GRM7: variants seen among roughly 807,000 people sequenced by gnomAD.
GRM7 encodes the protein metabotropic glutamate receptor 7.
In GRM7, 35 loss-of-function variants were observed where a neutral mutation model predicts 84.5. The observed-to-expected ratio is 0.41, with a 90% CI of 0.32 to 0.55. The LOEUF (loss-of-function observed/expected upper bound fraction) is 0.55. Ranked by LOEUF, GRM7 falls within the 20% of genes least tolerant of loss-of-function variation. The pLI, the probability that GRM7 is intolerant of heterozygous loss-of-function variation, is 0.19. For synonymous variants in GRM7, 487 were observed against 455.1 expected (o/e 1.07, Z -0.89); for missense variants, 1,003 against 1,194.6 (o/e 0.84, Z 2.36).
chr3:7,507,370 T>C lies in GRM7; in HGVS notation c.1515+45648T>C, dbSNP rs1700069883. ...GGAAACTTCTGGAATTGTTTCCACATAGAGAAGTGTAAACAGATGGGAGTC... is the reference window on the plus strand; with the variant it reads ...GGAAACTTCTGGAATTGTTTCCACACAGAGAAGTGTAAACAGATGGGAGTC... On this transcript the variant is annotated intron_variant, in intron 7 of 9. Transcript: ENST00000357716. 3.3e-5 allele frequency among the ~76,000 whole-genome samples: 5 copies of C among 152,182 alleles called. No homozygotes were observed. The South Asian group carries it at 1.0e-3, about 32-fold the overall frequency.
At chr3:7,686,057 A>T (rs889425473) in intron 9 of GRM7, among the ~76,000 whole-genome samples, 1 of 152,182 alleles carries the variant, frequency 6.6e-6, no homozygotes, top group Non-Finnish European at 1.5e-5. Context: ...TGGCAAGAAG[A>T]AGAAAATAAT....
At chr3:7,707,504 G>A (rs979934304) in intron 9 of GRM7, among the ~76,000 whole-genome samples, 1 of 152,150 alleles carries the variant, frequency 6.6e-6, no homozygotes, top group East Asian at 1.9e-4. Flanking sequence ...GCCGCCACTT[G>A]AATAATGCTT....
chr3:6,874,840 T>TTAC (rs1204886806), intron 1 of GRM7, among the ~76,000 whole-genome samples: 2 of 152,206 alleles, frequency 1.3e-5, no homozygotes, highest in African/African-American at 4.8e-5. Flanking sequence ...CAAGGAAAAC[T>TTAC]TACTCCTTTC....
At chr3:7,446,763 A>AT (rs914612373) in intron 5 of GRM7, among the ~76,000 whole-genome samples, 2 of 151,282 alleles carry the variant, frequency 1.3e-5, no homozygotes, top group African/African-American at 2.4e-5. Flanking sequence ...CCCGGCCAGG[A>AT]TTTTTTTTTA....
intron 2 of GRM7, among the ~76,000 whole-genome samples, chr3:7,220,378 A>G (rs1322220384): frequency 1.3e-5 from 2 of 152,228 alleles, no homozygotes; most frequent in Non-Finnish European, 1.5e-5. Flanking sequence ...TTCTGTGTCT[A>G]TTCTCCTCAA....
chr3:7,441,953 C>T (rs1697306320), intron 5 of GRM7, among the ~76,000 whole-genome samples: 1 of 149,616 alleles, frequency 6.7e-6, no homozygotes, highest in Non-Finnish European at 1.5e-5. Flanking sequence ...ATTGCTTTGG[C>T]TATTTGGGTT....
Position 7,740,610 on chromosome 3 carries a change from C to A in GRM7, c.*204C>A. The A allele has an allele frequency of 2.3e-6, 1 of 430,212 alleles. No individual in the cohort carries two copies. The highest frequency in any genetic ancestry group is 4.1e-6 in the Non-Finnish European group (1 of 244,118). The allele number at this position is 430,212 out of a possible 1,614,324, so 26.6% of individuals were successfully genotyped here. A position where few individuals can be genotyped will look rare whatever the true frequency, so the allele number is the denominator to read the frequency against. ...TTATCTGGGCTTAATAAGTCACTGACATCAGCACTGCCAACTCGGCTGCAA... is the reference window on the plus strand; with the variant it reads ...TTATCTGGGCTTAATAAGTCACTGAAATCAGCACTGCCAACTCGGCTGCAA... On this transcript the variant is annotated 3_prime_UTR_variant, in exon 10 of 10. Transcript: ENST00000357716.
intron 2 of GRM7, among the ~76,000 whole-genome samples, chr3:7,229,722 C>CATATATATAT (rs772166647): frequency 1.4e-3 from 36 of 25,766 alleles, no homozygotes; most frequent in Non-Finnish European, 2.0e-3. Context: ...TCCATAGACA[C>CATATATATAT]ACACATATAT....
At chr3:7,217,051 G>A (rs1696638090) in intron 2 of GRM7, among the ~76,000 whole-genome samples, 1 of 152,110 alleles carries the variant, frequency 6.6e-6, no homozygotes, top group African/African-American at 2.4e-5. Context: ...TACCTTGAAG[G>A]TAGTTTGCCT....
At chr3:6,901,160 A>G (rs1340414773) in intron 1 of GRM7, among the ~76,000 whole-genome samples, 2 of 152,210 alleles carry the variant, frequency 1.3e-5, no homozygotes, top group African/African-American at 4.8e-5. Context: ...AGAGTTAATG[A>G]CAGATGCCAA....
intron 4 of GRM7, among the ~76,000 whole-genome samples, chr3:7,332,889 C>G (rs1014697128): frequency 4.6e-5 from 7 of 152,072 alleles, no homozygotes; most frequent in African/African-American, 1.7e-4. Flanking sequence ...GCCCTGGTAG[C>G]TAAAGGCAAC....
intron 4 of GRM7, among the ~76,000 whole-genome samples, chr3:7,413,731 T>A (rs1696042429): frequency 6.6e-6 from 1 of 152,142 alleles, no homozygotes; most frequent in African/African-American, 2.4e-5. Flanking sequence ...TGATGGAGCG[T>A]CTAGTAGAGA....
intron 8 of GRM7, among the ~76,000 whole-genome samples, chr3:7,581,150 T>A (rs909271718): frequency 6.6e-6 from 1 of 152,150 alleles, no homozygotes; most frequent in African/African-American, 2.4e-5. Flanking sequence ...GTCTCTACCA[T>A]TTCATTTTTC....
chr3:6,959,313 T>G (rs1303604258), intron 1 of GRM7, among the ~76,000 whole-genome samples: 5 of 152,218 alleles, frequency 3.3e-5, no homozygotes, highest in African/African-American at 1.2e-4. Context: ...TTATGTTATT[T>G]TTACCTATGT....
chr3:6,874,778 A>G (rs913548524), intron 1 of GRM7, among the ~76,000 whole-genome samples: 3 of 152,084 alleles, frequency 2.0e-5, no homozygotes, highest in African/African-American at 4.8e-5. Flanking sequence ...TCCCTATGAC[A>G]CCCTAGCCTC....
Position 6,861,921 on chromosome 3 carries a change from C to T in GRM7, c.519+14C>T, listed in dbSNP as rs1195504783. 1 of 1,593,214 alleles carries T rather than the reference C, an allele frequency of 6.3e-7. No individual in the cohort carries two copies. The highest frequency in any genetic ancestry group is 1.7e-5 in the Admixed American group (1 of 59,044). On this transcript the variant is annotated intron_variant, in intron 1 of 9. Coordinates refer to ENST00000357716, the MANE Select transcript of GRM7 (RefSeq NM_000844.4). This position sits in a 1 kb window ranked among gnomAD's most constrained non-coding sequence, Gnocchi z 6.4. ...AGGCTCTTCCAGGTAGGGATGCGCT[C>T]CCTCCGGGGCGGAGCACACAGTGGC...
chr3:6,903,387 T>G (rs1215178401), intron 1 of GRM7, among the ~76,000 whole-genome samples: 4 of 152,132 alleles, frequency 2.6e-5, no homozygotes, highest in African/African-American at 7.2e-5. Flanking sequence ...TTGTACAAAA[T>G]AGTAGTGACT....
intron 8 of GRM7, among the ~76,000 whole-genome samples, chr3:7,645,291 G>C (rs1008911492): frequency 6.6e-6 from 1 of 152,080 alleles, no homozygotes; most frequent in Non-Finnish European, 1.5e-5. Flanking sequence ...GCTCACGCCT[G>C]TAATCCCAGC....
Position 6,915,309 on chromosome 3 carries a change from T to C in GRM7, c.519+53402T>C, listed in dbSNP as rs150944039. Among the ~76,000 whole-genome samples the C allele has an allele frequency of 3.3e-5, 5 of 152,284 alleles. No individual in the cohort carries two copies. The East Asian group carries it at 9.7e-4, about 29-fold the overall frequency. ...ATTAAAAAGAGCCAAAATAACAGTT[T>C]TTGGTGGTTGTCGTTGCTGTTGTGC... On this transcript the variant is annotated intron_variant, in intron 1 of 9. Coordinates refer to ENST00000357716, the MANE Select transcript of GRM7 (RefSeq NM_000844.4).
Sources: gnomAD v4.1 joint callset for allele counts (sites outside exome capture counted in the v4.1 genomes callset) on GRCh38, gnomAD v4.1.1 for gene constraint, Gnocchi (gnomAD v3.1) non-coding constraint, MANE v1.5 for transcripts, NCBI Gene and HGNC (gene_info 2026-07-23, HGNC 2026-07-21) for gene names.